SLC12A8: variants seen among roughly 807,000 people sequenced by gnomAD.
SLC12A8 encodes the protein solute carrier family 12 member 8.
SLC12A8 carries 69 observed loss-of-function variants against 75.6 expected under a neutral mutation model. That is an observed-to-expected ratio of 0.91 (90% confidence interval 0.75 to 1.11). The LOEUF is 1.11. Among genes scored for constraint, SLC12A8 ranks in the 50% most tolerant of loss-of-function variants. The probability of loss-of-function intolerance (pLI) is 0.00; values close to 1 mark genes in which losing one functional copy is unlikely to be tolerated. For synonymous variants in SLC12A8, 365 were observed against 372.8 expected (o/e 0.98, Z 0.24); for missense variants, 877 against 896.7 (o/e 0.98, Z 0.28).
At position 125,163,614 on chromosome 3, in the gene SLC12A8, T is replaced by TA. The variant is rs1179693600; in HGVS notation, c.622+14128dup. 4.1e-5 allele frequency among the ~76,000 whole-genome samples: 6 copies of TA among 148,096 alleles called. No individual in the cohort carries two copies. The East Asian group carries it at 8.1e-4, about 20-fold the overall frequency. Reference sequence around the variant, plus strand: ...ACTCTGTCTCAAAAAAAAAAAAAATTAAAAAAAAAGAAAAAGAAATGCTAC... The same window carrying TA: ...ACTCTGTCTCAAAAAAAAAAAAAATTAAAAAAAAAAGAAAAAGAAATGCTAC... On this transcript the variant is annotated intron_variant, in intron 5 of 13. Coordinates refer to ENST00000469902, the MANE Select transcript of SLC12A8 (RefSeq NM_024628.6).
chr3:125,142,418 C>A (rs1359581581), intron 5 of SLC12A8, among the ~76,000 whole-genome samples: 6 of 152,178 alleles, frequency 3.9e-5, no homozygotes, highest in Non-Finnish European at 2.9e-5. Flanking sequence ...CAGGGAGGAG[C>A]CCAGTCAAAA....
intron 6 of SLC12A8, among the ~76,000 whole-genome samples, 177 bp downstream of exon 6, chr3:125,135,492 C>T (rs916099974): frequency 6.6e-6 from 1 of 152,158 alleles, no homozygotes; most frequent in Non-Finnish European, 1.5e-5. Context: ...GAGACCCTGT[C>T]TCTACAAAAT....
chr3:125,175,058 A>G (rs1243716697), intron 5 of SLC12A8, among the ~76,000 whole-genome samples: 2 of 152,194 alleles, frequency 1.3e-5, no homozygotes, highest in Admixed American at 1.3e-4. Context: ...GAAAAGGGGT[A>G]TGTGGGAACT....
At chr3:125,130,877 C>T (rs1471731620) in intron 6 of SLC12A8, among the ~76,000 whole-genome samples, 3 of 152,208 alleles carry the variant, frequency 2.0e-5, no homozygotes, top group Non-Finnish European at 4.4e-5. Flanking sequence ...CAAGACAAAC[C>T]CCTGGTGCAC....
At chr3:125,193,759 A>G (rs1934952514) in intron 2 of SLC12A8, among the ~76,000 whole-genome samples, 1 of 152,116 alleles carries the variant, frequency 6.6e-6, no homozygotes, top group Non-Finnish European at 1.5e-5. Flanking sequence ...GCCCTCCCAC[A>G]AAGTCCACGC....
chr3:125,212,020 C>T (rs371780220), intron 1 of SLC12A8, among the ~76,000 whole-genome samples: 385 of 152,144 alleles, frequency 2.5e-3, no homozygotes, highest in African/African-American at 8.9e-3. Flanking sequence ...GAGTTTGTCC[C>T]CTTGATCTGT....
intron 6 of SLC12A8, among the ~76,000 whole-genome samples, chr3:125,124,089 G>A (rs1032773377): frequency 1.3e-5 from 2 of 152,140 alleles, no homozygotes; most frequent in Admixed American, 1.3e-4. Flanking sequence ...CTGCTCAGTG[G>A]GAGGAGAAAG....
intron 5 of SLC12A8, among the ~76,000 whole-genome samples, chr3:125,150,988 TC>T (rs890142659): frequency 1.3e-5 from 2 of 152,188 alleles, no homozygotes; most frequent in Non-Finnish European, 2.9e-5. Context: ...ACACCAAGTT[TC>T]CTCAGGGATT....
At position 125,195,480 on chromosome 3, in the gene SLC12A8, G is replaced by C. The variant is rs553097467; in HGVS notation, c.52-4959C>G. Among the ~76,000 whole-genome samples, 18 of 152,338 alleles carry C rather than the reference G, an allele frequency of 1.2e-4. No homozygotes were observed. The South Asian group carries it at 3.7e-3, about 32-fold the overall frequency. On this transcript the variant is annotated intron_variant, in intron 2 of 13. Coordinates refer to ENST00000469902, the MANE Select transcript of SLC12A8 (RefSeq NM_024628.6). The stretch of plus-strand genomic sequence containing the variant: ...CTGGGCAGCACCCTTGGTCTGTATA[G>C]ATTTAGTCATTCCTAGAAATGTGAG...
At chr3:125,176,886 A>G (rs937218531) in intron 5 of SLC12A8, among the ~76,000 whole-genome samples, 1 of 151,358 alleles carries the variant, frequency 6.6e-6, no homozygotes, top group African/African-American at 2.4e-5. Context: ...GGGACTGTAA[A>G]CTAGTTCAAC....
intron 5 of SLC12A8, among the ~76,000 whole-genome samples, chr3:125,158,386 A>G (rs1000918744): frequency 6.6e-6 from 1 of 151,796 alleles, no homozygotes; most frequent in African/African-American, 2.4e-5. Context: ...ACGCCCAGCT[A>G]ATTTTTGTAT....
intron 4 of SLC12A8, among the ~76,000 whole-genome samples, chr3:125,186,779 G>C (rs1466160747): frequency 6.6e-6 from 1 of 152,220 alleles, no homozygotes; most frequent in Non-Finnish European, 1.5e-5. Flanking sequence ...AAGGCCACCC[G>C]AGCTATCAAA....
chr3:125,135,555 C>A, intron 6 of SLC12A8, 114 bp downstream of exon 6: 2 of 558,396 alleles, frequency 3.6e-6, no homozygotes, highest in East Asian at 2.9e-5. Flanking sequence ...AAGCCCATAT[C>A]TAAAGTTGGA....
At chr3:125,093,955 C>G (rs1313975052) in intron 10 of SLC12A8, among the ~76,000 whole-genome samples, 2 of 152,190 alleles carry the variant, frequency 1.3e-5, no homozygotes, top group Non-Finnish European at 2.9e-5. Context: ...TTTTCTCTAT[C>G]AGCATCCATT....
intron 1 of SLC12A8, among the ~76,000 whole-genome samples, chr3:125,212,469 G>T (rs2107809112): frequency 6.6e-6 from 1 of 152,218 alleles, no homozygotes; most frequent in Middle Eastern, 3.4e-3. Context: ...TCACGTTTGG[G>T]CCACGCTGGG....
chr3:125,175,580 G>T (rs1047952274), intron 5 of SLC12A8, among the ~76,000 whole-genome samples: 1 of 152,132 alleles, frequency 6.6e-6, no homozygotes, highest in Admixed American at 6.6e-5. Context: ...CCAGTAGCAC[G>T]GCCTTGCAAT....
rs1015819015 is a variant in SLC12A8 at position 125,128,182 on chromosome 3, T to A, written c.736+7487A>T. On this transcript the variant is annotated intron_variant, in intron 6 of 13. Coordinates refer to ENST00000469902, the MANE Select transcript of SLC12A8 (RefSeq NM_024628.6). Reference sequence around the variant, plus strand: ...ACCGTGCCCGGCCTAAGCTTATTTTTATTTTTTTTTTTTTTTGAGACGGAG... The same window carrying A: ...ACCGTGCCCGGCCTAAGCTTATTTTAATTTTTTTTTTTTTTTGAGACGGAG... 5.0e-4 allele frequency among the ~76,000 whole-genome samples: 56 copies of A among 111,264 alleles called. No individual in the cohort carries two copies. The East Asian group carries it at 5.9e-3, about 12-fold the overall frequency. The allele number at this position is 111,264 out of a possible 152,430, so 73.0% of individuals were successfully genotyped here.
chr3:125,103,477 AAAAG>A (rs1234927605), intron 10 of SLC12A8, among the ~76,000 whole-genome samples: 1 of 151,564 alleles, frequency 6.6e-6, no homozygotes, highest in African/African-American at 2.4e-5. Flanking sequence ...AAAAAAAAAA[AAAAG>A]AGAGACAGAG....
At chr3:125,087,591 C>T (rs1938491474) in intron 13 of SLC12A8, among the ~76,000 whole-genome samples, 1 of 152,046 alleles carries the variant, frequency 6.6e-6, no homozygotes, top group East Asian at 1.9e-4. Flanking sequence ...TTGGGTTCTG[C>T]CTGGATTTTC....
Sources: allele counts gnomAD v4.1 joint callset (sites outside exome capture counted in the v4.1 genomes callset), GRCh38; gene constraint gnomAD v4.1.1; transcripts MANE v1.5; gene names NCBI Gene and HGNC (gene_info 2026-07-23, HGNC 2026-07-21).